The following LINGO2 variants were observed in gnomAD, a reference collection of about 807,000 sequenced individuals.
LINGO2 encodes leucine rich repeat and Ig domain containing 2.
In LINGO2, 14 loss-of-function variants were observed where a neutral mutation model predicts 30.6. That is an observed-to-expected ratio of 0.46 (90% CI 0.30 to 0.72). The LOEUF (loss-of-function observed/expected upper bound fraction) is 0.72, where lower values mean the gene tolerates loss of function less well. Among genes scored for constraint, LINGO2 ranks in the 30% least tolerant of loss-of-function variants. LINGO2 has a pLI of 0.07. For missense variants in LINGO2, 729 were observed against 751.7 expected, an observed-to-expected ratio of 0.97 and a Z score of 0.35; for synonymous variants, 317 against 288.5, an observed-to-expected ratio of 1.10 and a Z score of -1.00.
At chr9:28,755,877 T>C in the LINGO2 span, among the ~76,000 whole-genome samples, 1 of 152,100 alleles carries the variant, frequency 6.6e-6, no homozygotes, top group African/African-American at 2.4e-5. Flanking sequence ...AGCAACCTCA[T>C]AGACTTTGAC....
At chr9:28,336,921 A>G (rs961702413) in intron 3 of LINGO2, among the ~76,000 whole-genome samples, 1 of 151,950 alleles carries the variant, frequency 6.6e-6, no homozygotes, top group Non-Finnish European at 1.5e-5. Flanking sequence ...CTGACCACAC[A>G]TATCACAGAA....
intron 4 of LINGO2, among the ~76,000 whole-genome samples, chr9:28,251,864 T>A (rs1822213251): frequency 6.6e-6 from 1 of 152,144 alleles, no homozygotes; most frequent in Non-Finnish European, 1.5e-5. Flanking sequence ...TACATATGTA[T>A]GTACCAAACA....
intron 4 of LINGO2, among the ~76,000 whole-genome samples, chr9:28,092,835 G>A (rs1826135914): frequency 6.6e-6 from 1 of 151,992 alleles, no homozygotes; most frequent in African/African-American, 2.4e-5. Flanking sequence ...AAATAATAGT[G>A]AACATTTTAT....
At chr9:29,136,478 G>A in the LINGO2 span, among the ~76,000 whole-genome samples, 1 of 152,008 alleles carries the variant, frequency 6.6e-6, no homozygotes, top group African/African-American at 2.4e-5. Context: ...ATTTTGTTTT[G>A]TAAAATCAAA....
At chr9:28,502,607 G>A (rs1819935238) in intron 1 of LINGO2, among the ~76,000 whole-genome samples, 1 of 151,962 alleles carries the variant, frequency 6.6e-6, no homozygotes, top group Non-Finnish European at 1.5e-5. Flanking sequence ...TCTTTTTAGA[G>A]GGCATCAAAG....
At chr9:28,951,533 A>T in the LINGO2 span, among the ~76,000 whole-genome samples, 44 of 152,198 alleles carry the variant, frequency 2.9e-4, no homozygotes, top group East Asian at 8.1e-3. Flanking sequence ...TTCCAGAACC[A>T]GCTTATTCTG....
At chr9:28,124,332 A>C (rs1827181175) in intron 4 of LINGO2, among the ~76,000 whole-genome samples, 1 of 152,222 alleles carries the variant, frequency 6.6e-6, no homozygotes, top group South Asian at 2.1e-4. Flanking sequence ...ATCTAAGATA[A>C]GACTTTGGGA....
At chr9:28,869,805 A>G in the LINGO2 span, among the ~76,000 whole-genome samples, 2 of 151,942 alleles carry the variant, frequency 1.3e-5, no homozygotes, top group South Asian at 2.1e-4. Context: ...TGTTGCACCT[A>G]CTACAAATAA....
the LINGO2 span, among the ~76,000 whole-genome samples, chr9:28,966,868 G>A: frequency 1.3e-5 from 2 of 151,846 alleles, no homozygotes; most frequent in Admixed American, 6.6e-5. Context: ...TGCCTTTACC[G>A]AGAGGTAGGG....
chr9:29,026,753 C>T, the LINGO2 span, among the ~76,000 whole-genome samples: 3 of 152,030 alleles, frequency 2.0e-5, no homozygotes, highest in African/African-American at 7.2e-5. Flanking sequence ...AGAGGAGATA[C>T]TTAATTTTAA....
At chr9:28,146,025 G>T (rs923355886) in intron 4 of LINGO2, among the ~76,000 whole-genome samples, 2 of 152,176 alleles carry the variant, frequency 1.3e-5, no homozygotes, top group Non-Finnish European at 2.9e-5. Context: ...GTACAGCATT[G>T]TCAAAAATGA....
At chr9:28,684,097 C>A in the LINGO2 span, among the ~76,000 whole-genome samples, 2 of 150,200 alleles carry the variant, frequency 1.3e-5, no homozygotes, top group South Asian at 2.1e-4. Context: ...ACATTTTGTA[C>A]CCAGTAATTT....
chr9:29,105,709 A>C, the LINGO2 span, among the ~76,000 whole-genome samples: 1 of 152,144 alleles, frequency 6.6e-6, no homozygotes, highest in Non-Finnish European at 1.5e-5. Flanking sequence ...CCTTTAATAT[A>C]AGGTGAAATA....
At chr9:28,749,247 T>A in the LINGO2 span, among the ~76,000 whole-genome samples, 2 of 151,964 alleles carry the variant, frequency 1.3e-5, no homozygotes, top group Admixed American at 1.3e-4. Context: ...CAAAGCCCTC[T>A]CCTCTGGAAA....
intron 4 of LINGO2, among the ~76,000 whole-genome samples, chr9:28,251,747 C>G (rs1822208200): frequency 6.6e-6 from 1 of 151,600 alleles, no homozygotes. Context: ...GCAAGAGTAG[C>G]TCTATTAATA....
At chr9:28,098,374 T>C (rs918562075) in intron 4 of LINGO2, among the ~76,000 whole-genome samples, 1 of 152,144 alleles carries the variant, frequency 6.6e-6, no homozygotes, top group Non-Finnish European at 1.5e-5. Flanking sequence ...TACGTTTTAA[T>C]GGGTGAATTG....
the LINGO2 span, among the ~76,000 whole-genome samples, chr9:28,926,860 T>A: frequency 6.6e-6 from 1 of 152,196 alleles, no homozygotes; most frequent in African/African-American, 2.4e-5. Context: ...TTACACTCCC[T>A]GCCCACCTTT....
intron 4 of LINGO2, among the ~76,000 whole-genome samples, chr9:28,108,222 G>C (rs1335546213): frequency 6.6e-6 from 1 of 152,090 alleles, no homozygotes; most frequent in African/African-American, 2.4e-5. Flanking sequence ...AGGGAACACA[G>C]ACTATGAGGT....
rs1173440936 is a variant in LINGO2 at position 28,622,787 on chromosome 9, C to T, written c.-365+47413G>A. Among the ~76,000 whole-genome samples, 3 of 150,960 alleles carry T rather than the reference C, an allele frequency of 2.0e-5. No individual in the cohort carries two copies. In the East Asian group the frequency reaches 5.8e-4, roughly 29 times the overall value. On this transcript the variant is annotated intron_variant, in intron 1 of 5. Coordinates refer to ENST00000379992, the Ensembl canonical transcript of LINGO2. Reference sequence around the variant, plus strand: ...CAAACTATTCTCCATAGTGGTTGTACTAATTTACATTTCCACCACCAGTAT... The same window carrying T: ...CAAACTATTCTCCATAGTGGTTGTATTAATTTACATTTCCACCACCAGTAT...
Sources: allele counts gnomAD v4.1 joint callset (sites outside exome capture counted in the v4.1 genomes callset), GRCh38; gene constraint gnomAD v4.1.1; transcripts MANE v1.5; gene names NCBI Gene and HGNC (gene_info 2026-07-23, HGNC 2026-07-21).